The following HDAC4 variants were observed in gnomAD, a reference collection of about 807,000 sequenced individuals.
HDAC4 encodes histone deacetylase A.
Under a neutral mutation model 135.1 loss-of-function variants are expected in HDAC4, and 16 were observed. The observed-to-expected ratio is 0.12, with a 90% confidence interval of 0.08 to 0.18. The LOEUF is 0.18. Ranked by LOEUF, HDAC4 falls within the 10% of genes least tolerant of loss-of-function variation. The pLI is 1.00. For synonymous variants in HDAC4, 685 were observed against 653.4 expected (o/e 1.05, Z -0.74); for missense variants, 1,143 against 1,511.8 (o/e 0.76, Z 4.05).
chr2:239,089,717 G>T, intron 18 of HDAC4: 1 of 394,336 alleles, frequency 2.5e-6, no homozygotes, highest in Non-Finnish European at 4.6e-6. Context: ...GTAAACAGAA[G>T]CTCTTTGGAG....
At chr2:239,181,453 A>T (rs1204743200) in intron 4 of HDAC4, among the ~76,000 whole-genome samples, 1 of 152,248 alleles carries the variant, frequency 6.6e-6, no homozygotes, top group African/African-American at 2.4e-5. Flanking sequence ...TGTGCGCAGG[A>T]GGGGCAGGGA....
At chr2:239,357,586 C>G (rs753491811) in intron 1 of HDAC4, among the ~76,000 whole-genome samples, 1 of 151,350 alleles carries the variant, frequency 6.6e-6, no homozygotes, top group Non-Finnish European at 1.5e-5. Context: ...TTAACAATAT[C>G]GAGAATGAGA....
chr2:239,280,644 C>T (rs2050652744), intron 2 of HDAC4, among the ~76,000 whole-genome samples: 1 of 152,140 alleles, frequency 6.6e-6, no homozygotes, highest in Admixed American at 6.5e-5. Flanking sequence ...GAGGAAGACA[C>T]CAGGCACAAC....
intron 9 of HDAC4, among the ~76,000 whole-genome samples, chr2:239,137,810 C>T (rs2041080429): frequency 6.6e-6 from 1 of 152,226 alleles, no homozygotes; most frequent in Non-Finnish European, 1.5e-5. Context: ...CATGCAAAGG[C>T]TGCCCGTGCC....
chr2:239,238,976 G>A (rs926351524), intron 2 of HDAC4, among the ~76,000 whole-genome samples: 11 of 152,162 alleles, frequency 7.2e-5, no homozygotes, highest in Non-Finnish European at 1.3e-4. Flanking sequence ...GGAGAATGCC[G>A]TTCGATAACA....
chr2:239,170,721 C>G (rs1314329269), intron 5 of HDAC4, among the ~76,000 whole-genome samples: 1 of 152,176 alleles, frequency 6.6e-6, no homozygotes, highest in Non-Finnish European at 1.5e-5. Flanking sequence ...GCACAGAGAA[C>G]AACTAGGGCA....
chr2:239,097,040 C>T (rs1417948325), intron 16 of HDAC4, among the ~76,000 whole-genome samples: 2 of 152,202 alleles, frequency 1.3e-5, no homozygotes, highest in Admixed American at 1.3e-4. Context: ...TAGGCCCGGC[C>T]CCCATCTGCT....
chr2:239,319,748 C>T (rs760459774), intron 2 of HDAC4, among the ~76,000 whole-genome samples: 3 of 152,224 alleles, frequency 2.0e-5, no homozygotes, highest in South Asian at 4.1e-4. Context: ...CCGACAGCTA[C>T]AGGCAGAAAC....
chr2:239,209,797 C>T (rs568424020), intron 3 of HDAC4, among the ~76,000 whole-genome samples: 4 of 152,144 alleles, frequency 2.6e-5, no homozygotes, highest in Non-Finnish European at 5.9e-5. Flanking sequence ...CCTATAAAGC[C>T]GCCAGAAGGA....
chr2:239,257,352 T>TAAA (rs146207339), intron 2 of HDAC4, among the ~76,000 whole-genome samples: 1 of 150,858 alleles, frequency 6.6e-6, no homozygotes, highest in African/African-American at 2.4e-5. Flanking sequence ...ACTACTAAGT[T>TAAA]AAAAAAAAAC....
Position 239,068,518 on chromosome 2 carries a change from G to A in HDAC4, c.2840C>T (p.Pro947Leu). 6.2e-7 allele frequency: 1 copy of A among 1,613,832 alleles called. No individual in the cohort carries two copies. The highest frequency in any genetic ancestry group is 8.5e-7 in the Non-Finnish European group (1 of 1,179,874). ...GGCGGAGAGGTTGTAGCCCCCAAGA[G>A]GGGTGGGGTGGCCCTCCACGGCATC... is the stretch of plus-strand genomic sequence containing the variant. ...GFDAVEGHPTPLGGYNLSARC... is the reference protein window; with the variant it reads ...GFDAVEGHPTLLGGYNLSARC... The change falls in exon 23 of 27, where the codon CCT (proline) becomes CTT (leucine). Residue 947 changes from proline (P) to leucine (L), a missense_variant. By Grantham distance (98) the Pro-to-Leu change is moderately conservative (BLOSUM62 -3). This residue lies in a region of HDAC4 where 189 missense variants were observed against 317.6 expected (regional missense o/e 0.60). Coordinates refer to ENST00000543185, the MANE Select transcript of HDAC4 (RefSeq NM_001378414.1). The surrounding 1 kb of genome is among the most constrained non-coding windows in gnomAD (Gnocchi z 4.4).
intron 2 of HDAC4, among the ~76,000 whole-genome samples, chr2:239,333,284 A>G (rs986163447): frequency 1.3e-4 from 20 of 152,190 alleles, no homozygotes; most frequent in African/African-American, 4.1e-4. Context: ...AGAAGAAAGA[A>G]AAGAAAAAAG....
chr2:239,250,873 C>T (rs1359093379), intron 2 of HDAC4, among the ~76,000 whole-genome samples: 5 of 152,188 alleles, frequency 3.3e-5, no homozygotes, highest in East Asian at 3.9e-4. Context: ...GACTCGGGGG[C>T]GGTTTTCCCT....
At position 239,111,727 on chromosome 2, in the gene HDAC4, C is replaced by T. The variant is rs369528894; in HGVS notation, c.1792-15G>A. ...AGGAGGGCTTGCTGCGGGGAAGAAA[C>T]GGCCGTGTTGGCGGTTGCGGATGTC... On this transcript the variant is annotated splice_polypyrimidine_tract_variant and intron_variant, in intron 13 of 26. Transcript: ENST00000543185. The T allele has an allele frequency of 4.2e-5, 66 of 1,583,324 alleles. No individual in the cohort carries two copies. The highest frequency in any genetic ancestry group is 8.9e-5 in the Admixed American group (5 of 55,896).
chr2:239,097,770 C>T (rs141561120), intron 16 of HDAC4, among the ~76,000 whole-genome samples: 147 of 151,306 alleles, frequency 9.7e-4, no homozygotes, highest in Middle Eastern at 6.8e-3. Context: ...GCTTGCTGCC[C>T]GTCGTCTGTA....
chr2:239,169,719 C>T (rs2043334180), intron 5 of HDAC4, among the ~76,000 whole-genome samples: 1 of 152,180 alleles, frequency 6.6e-6, no homozygotes, highest in African/African-American at 2.4e-5. Context: ...CCCGGATCTG[C>T]ATGCAAAGAC....
rs955916841 is a variant in HDAC4, at chr2:239,321,109, T to C, written c.22+31569A>G. 3.9e-5 allele frequency among the ~76,000 whole-genome samples: 6 copies of C among 152,304 alleles called. No homozygotes were observed. In the East Asian group the frequency reaches 1.2e-3, roughly 29 times the overall value. On this transcript the variant is annotated intron_variant, in intron 2 of 26. Coordinates refer to ENST00000543185, the MANE Select transcript of HDAC4 (RefSeq NM_001378414.1). ...CCTATGTTTACAAACAAAATGTGCTTATAACGTTTGCTTTATTATTGTCTC... is the reference window on the plus strand; with the variant it reads ...CCTATGTTTACAAACAAAATGTGCTCATAACGTTTGCTTTATTATTGTCTC...
At chr2:239,080,982 C>T (rs771696847) in intron 22 of HDAC4, 113 bp downstream of exon 22, 138 of 784,642 alleles carry the variant, frequency 1.8e-4, no homozygotes, top group Admixed American at 3.4e-4. Context: ...CCCACAGCCC[C>T]GTTCAGCCAC....
chr2:239,191,669 T>C (rs895805), intron 3 of HDAC4, among the ~76,000 whole-genome samples: 79,101 of 151,948 alleles, frequency 0.52, 21,774 homozygotes, highest in African/African-American at 0.71. Flanking sequence ...GAGCTCCTGG[T>C]GCCCAGGGTG....
Sources: allele counts gnomAD v4.1 joint callset (sites outside exome capture counted in the v4.1 genomes callset), GRCh38; gene constraint gnomAD v4.1.1; regional missense constraint gnomAD v4.1.1; non-coding constraint Gnocchi (gnomAD v3.1); transcripts MANE v1.5; gene names NCBI Gene and HGNC (gene_info 2026-07-23, HGNC 2026-07-21).